The following EFCAB6 variants were observed in gnomAD, a reference collection of about 807,000 sequenced individuals.
EFCAB6 encodes EF-hand calcium binding domain 6.
Under a neutral mutation model 169.8 loss-of-function variants are expected in EFCAB6, and 156 were observed. The ratio of observed to expected loss-of-function variants is 0.92; its 90% CI spans 0.81 to 1.05. The LOEUF is 1.05. Among genes scored for constraint, EFCAB6 ranks in the 50% least tolerant of loss-of-function variants. The probability of loss-of-function intolerance (pLI) is 0.00; values close to 1 mark genes in which losing one functional copy is unlikely to be tolerated. For synonymous variants in EFCAB6, 698 were observed against 676.4 expected (o/e 1.03, Z -0.50); for missense variants, 1,800 against 1,829.1 (o/e 0.98, Z 0.29).
chr22:43,678,195 T>G, intron 12 of EFCAB6, 32 bp from the exon 13 acceptor site: 2 of 1,397,918 alleles, frequency 1.4e-6, no homozygotes, highest in East Asian at 5.0e-5. Context: ...AGGGAATTTT[T>G]GAAAAAAAAA....
Position 43,632,298 on chromosome 22 carries a change from T to TTC in EFCAB6, c.2099-61_2099-60insGA. On this transcript the variant is annotated intron_variant, in intron 18 of 31. Transcript: ENST00000262726. ...TGCCCATCAGCTTCATTCCTTCTTT[T>TTC]TTTTTTTTTTTTTTTTTTGAGACGG... 2.9e-6 allele frequency: 3 copies of TTC among 1,032,734 alleles called. No individual in the cohort carries two copies. In the East Asian group the frequency reaches 1.3e-4, roughly 43 times the overall value. 64.0% of individuals were successfully genotyped at this position (1,032,734 alleles called of 1,614,324 possible).
chr22:43,745,823 AAAGG>A (rs1160315817), intron 6 of EFCAB6, among the ~76,000 whole-genome samples: 5 of 152,206 alleles, frequency 3.3e-5, no homozygotes, highest in Non-Finnish European at 5.9e-5. Context: ...AACCCAGAAG[AAAGG>A]AAGGGGGAAA....
rs533450129 is a variant in EFCAB6, at chr22:43,560,158, C to A, written c.3421-5062G>T. ...AAAGACTCACTTTCAAAAGAGAAAT[C>A]CTTTCTCAAGTTATAAATAAGCTTA... On this transcript the variant is annotated intron_variant, in intron 26 of 31. Transcript: ENST00000262726. Among the ~76,000 whole-genome samples the A allele has an allele frequency of 7.9e-5, 12 of 152,232 alleles. No individual in the cohort carries two copies. In the South Asian group the frequency reaches 2.3e-3, roughly 29 times the overall value.
At chr22:43,730,011 A>G (rs1302943730) in intron 8 of EFCAB6, among the ~76,000 whole-genome samples, 1 of 149,700 alleles carries the variant, frequency 6.7e-6, no homozygotes, top group Non-Finnish European at 1.5e-5. Context: ...TTTTTTTTTT[A>G]AAGTTAGCCA....
At chr22:43,689,474 G>A (rs866164697) in intron 10 of EFCAB6, among the ~76,000 whole-genome samples, 20 of 152,068 alleles carry the variant, frequency 1.3e-4, no homozygotes, top group African/African-American at 4.6e-4. Flanking sequence ...ATTCCCAGGG[G>A]CTGAGAAGGA....
intron 23 of EFCAB6, 151 bp from the exon 24 acceptor site, chr22:43,590,380 G>A: frequency 5.6e-6 from 4 of 717,786 alleles, no homozygotes; most frequent in Non-Finnish European, 8.2e-6. Context: ...GTGTAATACT[G>A]ACATTAAAAG....
At chr22:43,673,340 C>A (rs1000359746) in intron 13 of EFCAB6, among the ~76,000 whole-genome samples, 5 of 151,996 alleles carry the variant, frequency 3.3e-5, no homozygotes, top group Non-Finnish European at 7.4e-5. Flanking sequence ...CCAATAATTC[C>A]ATTTCTTAAA....
chr22:43,582,061 T>TC (rs2050760557), intron 24 of EFCAB6, among the ~76,000 whole-genome samples: 1 of 152,182 alleles, frequency 6.6e-6, no homozygotes, highest in African/African-American at 2.4e-5. Flanking sequence ...TATTAAGGTT[T>TC]CAATACATAA....
rs985464711 is a variant in EFCAB6, at chr22:43,528,960, T to G, written c.4399A>C (p.Ser1467Arg). The G allele has an allele frequency of 2.5e-6, 4 of 1,592,898 alleles. No homozygotes were observed. The highest frequency in any genetic ancestry group is 1.7e-5 in the Admixed American group (1 of 59,766). The stretch of plus-strand genomic sequence containing the variant: ...AACTCTTCCTCAGAGAGGTTGATGC[T>G]GTACTGTCTCAGGACCTGGAAGACA... Reference protein sequence around the residue: ...ADFRTVLRQYSINLSEEEFFH... With the variant: ...ADFRTVLRQYRINLSEEEFFH... Residue 1467 changes from serine (S) to arginine (R), a missense_variant, in exon 32 of 32, where the codon AGC becomes CGC. By Grantham distance (110) the Ser-to-Arg change is moderately radical. Coordinates refer to ENST00000262726, the MANE Select transcript of EFCAB6 (RefSeq NM_022785.4).
intron 10 of EFCAB6, among the ~76,000 whole-genome samples, chr22:43,708,959 A>G (rs374851978): frequency 5.9e-5 from 9 of 152,334 alleles, no homozygotes; most frequent in Admixed American, 6.5e-5. Flanking sequence ...CGCTAGAACA[A>G]GTTATAAGAA....
chr22:43,559,733 G>C (rs1386919640), intron 26 of EFCAB6, among the ~76,000 whole-genome samples: 1 of 152,194 alleles, frequency 6.6e-6, no homozygotes, highest in Non-Finnish European at 1.5e-5. Flanking sequence ...AAAGCTGGAA[G>C]CTATAATTCT....
intron 23 of EFCAB6, among the ~76,000 whole-genome samples, chr22:43,598,310 GGAAAAAAAAAAA>G (rs1178371679): frequency 3.6e-4 from 21 of 57,660 alleles, no homozygotes; most frequent in Admixed American, 1.0e-3. Context: ...ACTGTCTCCG[GGAAAAAAAAAAA>G]AAAAAAAAAA....
intron 17 of EFCAB6, among the ~76,000 whole-genome samples, chr22:43,649,991 C>A (rs75550058): frequency 0.089 from 13,620 of 152,202 alleles, 750 homozygotes; most frequent in South Asian, 0.18. Flanking sequence ...AAGAAACATG[C>A]CCAACACTCT....
intron 27 of EFCAB6, among the ~76,000 whole-genome samples, chr22:43,541,230 G>C (rs1286881943): frequency 6.6e-6 from 1 of 152,178 alleles, no homozygotes; most frequent in African/African-American, 2.4e-5. Context: ...AGTTGCTTCT[G>C]GGTCTCCACT....
At chr22:43,546,216 T>A (rs1200332241) in intron 27 of EFCAB6, among the ~76,000 whole-genome samples, 1 of 152,132 alleles carries the variant, frequency 6.6e-6, no homozygotes, top group Non-Finnish European at 1.5e-5. Context: ...TACACTTCCT[T>A]GAAATTAAAA....
Position 43,572,540 on chromosome 22 carries a change from C to T in EFCAB6, c.3420+3757G>A, listed in dbSNP as rs998525222. ...CAAGCCTACGGCCGCCTGGCTCCTT[C>T]GCTCCCTGGCCCCATCTCCTTAGAC... On this transcript the variant is annotated intron_variant, in intron 26 of 31. Coordinates refer to ENST00000262726, the MANE Select transcript of EFCAB6 (RefSeq NM_022785.4). This position sits in a 1 kb window ranked among gnomAD's most constrained non-coding sequence, Gnocchi z 4.0. Among the ~76,000 whole-genome samples, 11 of 152,322 alleles carry T rather than the reference C, an allele frequency of 7.2e-5. No homozygotes were observed. The highest frequency in any genetic ancestry group is 2.2e-4 in the African/African-American group (9 of 41,568).
At chr22:43,633,638 C>T (rs949812829) in intron 18 of EFCAB6, among the ~76,000 whole-genome samples, 9 of 152,198 alleles carry the variant, frequency 5.9e-5, no homozygotes, top group African/African-American at 1.7e-4. Context: ...CTGAGTGTGA[C>T]CTTGTGTCAA....
chr22:43,718,901 G>A (rs769157140), intron 8 of EFCAB6, among the ~76,000 whole-genome samples: 13 of 152,312 alleles, frequency 8.5e-5, no homozygotes, highest in South Asian at 4.1e-4. Context: ...AAGGGCCCTC[G>A]CTGAAAGATG....
intron 17 of EFCAB6, among the ~76,000 whole-genome samples, chr22:43,645,034 G>T (rs1341033549): frequency 6.6e-6 from 1 of 152,090 alleles, no homozygotes; most frequent in Non-Finnish European, 1.5e-5. Flanking sequence ...GTAGGAATCC[G>T]GAAGTATTAG....
Sources: allele counts gnomAD v4.1 joint callset (sites outside exome capture counted in the v4.1 genomes callset), GRCh38; gene constraint gnomAD v4.1.1; non-coding constraint Gnocchi (gnomAD v3.1); transcripts MANE v1.5; gene names NCBI Gene and HGNC (gene_info 2026-07-23, HGNC 2026-07-21).